GREM2: variants seen among roughly 807,000 people sequenced by gnomAD.
GREM2 encodes the protein gremlin 2, DAN family BMP antagonist.
GREM2 carries 11 observed loss-of-function variants against 14.2 expected under a neutral mutation model. That is an observed-to-expected ratio of 0.78 (90% CI 0.49 to 1.28). The LOEUF (loss-of-function observed/expected upper bound fraction) is 1.28, where lower values mean the gene tolerates loss of function less well. Among genes scored for constraint, GREM2 ranks in the 50% most tolerant of loss-of-function variants. The probability of loss-of-function intolerance (pLI) is 0.00; values close to 1 mark genes in which losing one functional copy is unlikely to be tolerated. For missense variants in GREM2, 210 were observed against 218.5 expected (o/e 0.96, Z 0.24); for synonymous variants, 98 against 97.6 (o/e 1.00, Z -0.02).
intron 1 of GREM2, among the ~76,000 whole-genome samples, chr1:240,571,556 C>T (rs368765294): frequency 2.6e-5 from 4 of 151,998 alleles, no homozygotes; most frequent in Non-Finnish European, 5.9e-5. Context: ...ATTAGCCGGG[C>T]ATGGTGGCAG....
intron 1 of GREM2, among the ~76,000 whole-genome samples, chr1:240,524,946 G>C (rs1224974671): frequency 6.6e-6 from 1 of 152,152 alleles, no homozygotes; most frequent in Admixed American, 6.5e-5. Context: ...GGCAGGCCTA[G>C]TTCTCACCTC....
intron 1 of GREM2, among the ~76,000 whole-genome samples, chr1:240,604,929 G>C (rs571668348): frequency 6.6e-6 from 1 of 152,338 alleles, no homozygotes; most frequent in Admixed American, 6.5e-5. Context: ...GCTTATACTG[G>C]TCCAAGCAAG....
At chr1:240,565,556 A>C (rs1679160826) in intron 1 of GREM2, among the ~76,000 whole-genome samples, 1 of 152,100 alleles carries the variant, frequency 6.6e-6, no homozygotes, top group South Asian at 2.1e-4. Flanking sequence ...GTATTTAAGA[A>C]GTGATTCCCA....
Position 240,492,890 on chromosome 1 carries a change from G to A in GREM2, c.*79C>T, listed in dbSNP as rs1011448429. 8.6e-6 allele frequency: 11 copies of A among 1,286,082 alleles called. No homozygotes were observed. Among genetic ancestry groups the A allele is most frequent in the Middle Eastern group, 5.5e-4 (2 of 3,638 alleles). The allele number at this position is 1,286,082 out of a possible 1,614,324, so 79.7% of individuals were successfully genotyped here. The stretch of plus-strand genomic sequence containing the variant: ...CACCAGGCAGCGTGACAGTGGGCTC[G>A]GAGGGCAGGGACAGAGGCGGCGGCG... On this transcript the variant is annotated 3_prime_UTR_variant, in exon 2 of 2. Transcript: ENST00000318160.
chr1:240,509,658 G>C (rs1345612990), intron 1 of GREM2, among the ~76,000 whole-genome samples: 1 of 152,082 alleles, frequency 6.6e-6, no homozygotes, highest in Admixed American at 6.5e-5. Context: ...ATGAGCCACT[G>C]CACCCGGTGC....
At chr1:240,545,742 G>A (rs1052964332) in intron 1 of GREM2, among the ~76,000 whole-genome samples, 2 of 152,184 alleles carry the variant, frequency 1.3e-5, no homozygotes, top group Non-Finnish European at 2.9e-5. Flanking sequence ...GTGGGGAAAA[G>A]CCCCACACGT....
chr1:240,520,083 A>AAAAT (rs199871138), intron 1 of GREM2, among the ~76,000 whole-genome samples: 1 of 35,318 alleles, frequency 2.8e-5, no homozygotes, highest in African/African-American at 1.6e-4. Flanking sequence ...TCCATCCCAA[A>AAAAT]AAATAAAATA....
chr1:240,606,413 CT>C (rs926709585), intron 1 of GREM2, among the ~76,000 whole-genome samples: 8 of 152,228 alleles, frequency 5.3e-5, no homozygotes, highest in African/African-American at 1.9e-4. Flanking sequence ...TGTCAAATGG[CT>C]TTGTTAGTAA....
intron 1 of GREM2, among the ~76,000 whole-genome samples, chr1:240,521,589 A>G (rs2103303783): frequency 6.6e-6 from 1 of 152,178 alleles, no homozygotes; most frequent in African/African-American, 2.4e-5. Context: ...ACAAAAAAAC[A>G]AAGAAACAGG....
chr1:240,550,029 TA>T (rs1190047596), intron 1 of GREM2: 11 of 152,316 alleles, frequency 7.2e-5, no homozygotes, highest in African/African-American at 2.7e-4. Flanking sequence ...TTATTTATTT[TA>T]TTTTTTTTAA....
chr1:240,493,840 G>A (rs2103268721), intron 1 of GREM2, among the ~76,000 whole-genome samples: 2 of 152,294 alleles, frequency 1.3e-5, no homozygotes, highest in Middle Eastern at 6.8e-3. Flanking sequence ...AATGCTGTAC[G>A]GTTTTACTAG....
At position 240,554,408 on chromosome 1, in the gene GREM2, T is replaced by C. The variant is rs1678914785; in HGVS notation, c.-2+57476A>G. Among the ~76,000 whole-genome samples the C allele has an allele frequency of 3.4e-5, 5 of 145,152 alleles. No individual in the cohort carries two copies. In the Admixed American group the frequency reaches 3.5e-4, roughly 10 times the overall value. ...CCTGGGTGACAAGAAAGAAACTCCG[T>C]CTCGAAAAAAAAAAAAAAAGATGAG... On this transcript the variant is annotated intron_variant, in intron 1 of 1. Coordinates refer to ENST00000318160, the MANE Select transcript of GREM2 (RefSeq NM_022469.4).
At chr1:240,583,838 G>C (rs946740115) in intron 1 of GREM2, among the ~76,000 whole-genome samples, 1 of 151,954 alleles carries the variant, frequency 6.6e-6, no homozygotes, top group African/African-American at 2.4e-5. Context: ...TCTTGACCTC[G>C]TGATCTGCCC....
At chr1:240,573,101 T>C (rs1258462208) in intron 1 of GREM2, among the ~76,000 whole-genome samples, 1 of 151,380 alleles carries the variant, frequency 6.6e-6, no homozygotes, top group Non-Finnish European at 1.5e-5. Context: ...TTAAGATAAA[T>C]AATACTAATA....
chr1:240,560,475 CT>C (rs1306820617), intron 1 of GREM2, among the ~76,000 whole-genome samples: 1 of 152,076 alleles, frequency 6.6e-6, no homozygotes, highest in Non-Finnish European at 1.5e-5. Context: ...TTCTTTAGGA[CT>C]GTGTTTAGCA....
rs1020890133 is a variant in GREM2, at chr1:240,531,578, A to T, written c.-1-38102T>A. 4.5e-6 allele frequency: 4 copies of T among 891,364 alleles called. No homozygotes were observed. In the African/African-American group the frequency reaches 7.2e-5, roughly 16 times the overall value. 55.2% of individuals were successfully genotyped at this position (891,364 alleles called of 1,614,324 possible). A position where few individuals can be genotyped will look rare whatever the true frequency, so the allele number is the denominator to read the frequency against. The stretch of plus-strand genomic sequence containing the variant: ...CTTCCCAAACAAAGGAAATTAGGGA[A>T]CAGAATAGTGGAGTTGGTGTGTGGT... On this transcript the variant is annotated intron_variant, in intron 1 of 1. Coordinates refer to ENST00000318160, the MANE Select transcript of GREM2 (RefSeq NM_022469.4).
chr1:240,565,869 A>T (rs895071484), intron 1 of GREM2, among the ~76,000 whole-genome samples: 1 of 151,536 alleles, frequency 6.6e-6, no homozygotes, highest in African/African-American at 2.4e-5. Flanking sequence ...AAAACAAAAC[A>T]AAACAGTTAT....
intron 1 of GREM2, among the ~76,000 whole-genome samples, chr1:240,521,855 T>G (rs1678107121): frequency 6.6e-6 from 1 of 152,088 alleles, no homozygotes; most frequent in Non-Finnish European, 1.5e-5. Flanking sequence ...CTCATGCCTA[T>G]CATCCCAGCA....
chr1:240,563,565 T>A (rs1679116044), intron 1 of GREM2, among the ~76,000 whole-genome samples: 1 of 152,192 alleles, frequency 6.6e-6, no homozygotes, highest in Non-Finnish European at 1.5e-5. Context: ...TGTCTGAGAT[T>A]CCCAGGATGT....
Sources: gnomAD v4.1 joint callset for allele counts (sites outside exome capture counted in the v4.1 genomes callset) on GRCh38, gnomAD v4.1.1 for gene constraint, MANE v1.5 for transcripts, NCBI Gene and HGNC (gene_info 2026-07-23, HGNC 2026-07-21) for gene names.